DNAJB6: variants seen among roughly 807,000 people sequenced by gnomAD.
The protein encoded by DNAJB6 is dnaJ homolog subfamily B member 6.
In DNAJB6, 16 loss-of-function variants were observed where a neutral mutation model predicts 42.7. The ratio of observed to expected loss-of-function variants is 0.37; its 90% CI spans 0.25 to 0.57. DNAJB6 has a LOEUF of 0.57. DNAJB6 is among the 20% of genes least tolerant of loss of function. DNAJB6 has a pLI of 0.74. For missense variants in DNAJB6, 347 were observed against 416.8 expected, an observed-to-expected ratio of 0.83 and a Z score of 1.46; for synonymous variants, 170 against 163.5, an observed-to-expected ratio of 1.04 and a Z score of -0.30.
intron 5 of DNAJB6, chr7:157,378,356 A>G (rs868123685): frequency 6.6e-6 from 1 of 152,272 alleles, no homozygotes; most frequent in Non-Finnish European, 1.5e-5. Context: ...GTAATAATAC[A>G]TGCTGGGTTT....
chr7:157,359,961 G>T (rs182770566), intron 2 of DNAJB6, among the ~76,000 whole-genome samples: 1 of 152,358 alleles, frequency 6.6e-6, no homozygotes, highest in Non-Finnish European at 1.5e-5. Context: ...CCCACACTGT[G>T]AGGAAGCCTG....
intron 1 of DNAJB6, among the ~76,000 whole-genome samples, chr7:157,347,812 T>C (rs1345037457): frequency 6.6e-6 from 1 of 152,224 alleles, no homozygotes; most frequent in Non-Finnish European, 1.5e-5. Flanking sequence ...ATTTGTTTTT[T>C]TGAGTTGGAG....
At chr7:157,390,700 C>T (rs1038506168) in intron 8 of DNAJB6, among the ~76,000 whole-genome samples, 3 of 152,174 alleles carry the variant, frequency 2.0e-5, no homozygotes, top group East Asian at 1.9e-4. Context: ...TGACCTTTTC[C>T]TCTGCCTTCC....
chr7:157,406,167 C>T (rs984648690), intron 8 of DNAJB6, among the ~76,000 whole-genome samples: 19 of 152,246 alleles, frequency 1.2e-4, no homozygotes, highest in African/African-American at 4.6e-4. Flanking sequence ...TGTGTCCCAG[C>T]CGTGAGGCGG....
chr7:157,386,609 C>T (rs1563140056), intron 8 of DNAJB6, among the ~76,000 whole-genome samples: 1 of 103,738 alleles, frequency 9.6e-6, no homozygotes, highest in Non-Finnish European at 2.2e-5. Flanking sequence ...GATCCGGGCG[C>T]GGTAGCTCAA....
At chr7:157,348,693 G>T (rs556667298) in intron 1 of DNAJB6, among the ~76,000 whole-genome samples, 1 of 152,138 alleles carries the variant, frequency 6.6e-6, no homozygotes, top group Admixed American at 6.6e-5. Flanking sequence ...TCACACCACC[G>T]CTTAACTCTT....
At chr7:157,413,448 A>G (rs1351280803) in intron 9 of DNAJB6, 3 of 152,210 alleles carry the variant, frequency 2.0e-5, no homozygotes, top group Non-Finnish European at 4.4e-5. Flanking sequence ...AACAGCTCGA[A>G]GTTTGTCTTT....
At chr7:157,385,731 A>T in intron 8 of DNAJB6, 120 bp downstream of exon 8, 1 of 1,533,180 alleles carries the variant, frequency 6.5e-7, no homozygotes, top group East Asian at 2.3e-5. Flanking sequence ...AAGATTTCAA[A>T]CGAACTCGAC....
chr7:157,384,209 G>A (rs1800935145), intron 6 of DNAJB6, among the ~76,000 whole-genome samples: 1 of 152,228 alleles, frequency 6.6e-6, no homozygotes, highest in Admixed American at 6.5e-5. Flanking sequence ...TATCCATAAT[G>A]TATAATTGAG....
intron 8 of DNAJB6, among the ~76,000 whole-genome samples, chr7:157,388,283 A>G (rs1801174421): frequency 6.6e-6 from 1 of 152,208 alleles, no homozygotes; most frequent in South Asian, 2.1e-4. Flanking sequence ...ATTCCTAGAG[A>G]ATTCAGTCTA....
intron 8 of DNAJB6, 25 bp from the exon 9 acceptor site, chr7:157,409,770 T>G: frequency 2.0e-6 from 3 of 1,501,654 alleles, no homozygotes; most frequent in South Asian, 2.5e-5. Flanking sequence ...CACTCACGGC[T>G]CTCTCTCTCC....
At chr7:157,343,311 C>G (rs6459763) in intron 1 of DNAJB6, among the ~76,000 whole-genome samples, 82,000 of 151,798 alleles carry the variant, frequency 0.54, 22,467 homozygotes, top group East Asian at 0.76. Flanking sequence ...AGGCGCTCAC[C>G]ACCATGCCTG....
intron 1 of DNAJB6, among the ~76,000 whole-genome samples, chr7:157,347,827 G>T (rs924633630): frequency 2.0e-5 from 3 of 152,088 alleles, no homozygotes; most frequent in African/African-American, 7.2e-5. Context: ...TTGGAGTCTC[G>T]CTCTGTCACC....
At chr7:157,398,621 G>T (rs144868068) in intron 8 of DNAJB6, among the ~76,000 whole-genome samples, 3 of 151,612 alleles carry the variant, frequency 2.0e-5, no homozygotes, top group East Asian at 1.9e-4. Context: ...TTTGGCTTGA[G>T]GGGGGGGATG....
At chr7:157,355,018 G>A (rs566773374) in intron 1 of DNAJB6, among the ~76,000 whole-genome samples, 1 of 152,300 alleles carries the variant, frequency 6.6e-6, no homozygotes, top group African/African-American at 2.4e-5. Flanking sequence ...GAAGTGCCCA[G>A]GAGAGGCCTG....
intron 1 of DNAJB6, 69 bp from the exon 2 acceptor site, chr7:157,358,478 A>T (rs1249837803): frequency 3.0e-6 from 3 of 1,011,150 alleles, no homozygotes; most frequent in African/African-American, 1.6e-5. Flanking sequence ...CCCTCTCCAG[A>T]CCCATCCCAC....
At chr7:157,343,382 A>T (rs537534958) in intron 1 of DNAJB6, among the ~76,000 whole-genome samples, 5 of 152,186 alleles carry the variant, frequency 3.3e-5, no homozygotes, top group African/African-American at 1.2e-4. Context: ...CTGGTCTTGA[A>T]CACCTCAGGT....
chr7:157,383,937 A>C (rs1800920395), intron 6 of DNAJB6, among the ~76,000 whole-genome samples: 1 of 152,250 alleles, frequency 6.6e-6, no homozygotes, highest in Non-Finnish European at 1.5e-5. Flanking sequence ...AATTAATGTC[A>C]CTAGTTTCTG....
intron 2 of DNAJB6, 69 bp from the exon 3 acceptor site, chr7:157,363,092 A>T (rs992620274): frequency 1.9e-6 from 2 of 1,071,170 alleles, no homozygotes; most frequent in East Asian, 2.6e-5. Flanking sequence ...GTGGTTAATG[A>T]TGTTAGTTTC....
Sources: allele counts gnomAD v4.1 joint callset (sites outside exome capture counted in the v4.1 genomes callset), GRCh38; gene constraint gnomAD v4.1.1; transcripts MANE v1.5; gene names NCBI Gene and HGNC (gene_info 2026-07-23, HGNC 2026-07-21).